CHMP2B: variants seen among roughly 807,000 people sequenced by gnomAD.
CHMP2B encodes charged multivesicular body protein 2B.
A neutral mutation model predicts 29.8 loss-of-function variants in CHMP2B; 22 were observed. The observed-to-expected ratio is 0.74, with a 90% CI of 0.53 to 1.05. The LOEUF (loss-of-function observed/expected upper bound fraction) is 1.05. Ranked by LOEUF, CHMP2B falls within the 50% of genes least tolerant of loss-of-function variation. The pLI is 0.00. For synonymous variants in CHMP2B, 78 were observed against 75.8 expected (o/e 1.03, Z -0.15); for missense variants, 261 against 252.2 (o/e 1.03, Z -0.24).
At chr3:87,245,177 A>C (rs1362210309) in intron 2 of CHMP2B, among the ~76,000 whole-genome samples, 1 of 152,080 alleles carries the variant, frequency 6.6e-6, no homozygotes, top group African/African-American at 2.4e-5. Flanking sequence ...TATATAGCAT[A>C]TATTTTTCTG....
intron 4 of CHMP2B, chr3:87,253,116 T>C: frequency 3.1e-6 from 1 of 323,404 alleles, no homozygotes; most frequent in Non-Finnish European, 5.8e-6. Context: ...CTTAAACATG[T>C]AGCTGTGACT....
chr3:87,249,804 C>A (rs1326565747), intron 3 of CHMP2B, 71 bp from the exon 4 acceptor site: 2 of 909,292 alleles, frequency 2.2e-6, no homozygotes, highest in Non-Finnish European at 3.6e-6. Flanking sequence ...GATGTGTTCC[C>A]TTTTGACTTA....
At chr3:87,231,174 G>A (rs926381472) in intron 1 of CHMP2B, among the ~76,000 whole-genome samples, 2 of 151,922 alleles carry the variant, frequency 1.3e-5, no homozygotes, top group African/African-American at 4.8e-5. Context: ...GTGTTTTTGA[G>A]TTTCAGGCCA....
Position 87,245,784 on chromosome 3 carries a change from T to G in CHMP2B, c.197T>G (p.Val66Gly), listed in dbSNP as rs1036807827. The stretch of plus-strand genomic sequence containing the variant: ...TGCAAAGTTTTAGCCAAACAACTTG[T>G]GCATCTACGGAAACAGAAGACGAGA... ...EACKVLAKQL[V>G]HLRKQKTRTF... The change falls in exon 3 of 6, where the codon GTG becomes GGG. Residue 66 changes from valine (V) to glycine (G), a missense_variant. Val to Gly is a moderately radical substitution (Grantham distance 109). Transcript: ENST00000263780. The G allele has an allele frequency of 6.2e-7, 1 of 1,613,920 alleles. No individual in the cohort carries two copies. Among genetic ancestry groups the G allele is most frequent in the Non-Finnish European group, 8.5e-7 (1 of 1,179,912 alleles).
In CHMP2B at chr3:87,240,738, A is replaced by G. The variant is rs1007804469; in HGVS notation, c.74A>G (p.Gln25Arg). 6.2e-6 allele frequency: 10 copies of G among 1,613,646 alleles called. No individual in the cohort carries two copies. Among genetic ancestry groups the G allele is most frequent in the Non-Finnish European group, 8.5e-6 (10 of 1,179,728 alleles). ...CAGAATCGAGAGTTACGAGGTACAC[A>G]GAGGGCTATAATCAGAGATCGAGCA... The part of the protein sequence containing the change: ...KEQNRELRGT[Q>R]RAIIRDRAAL... Residue 25 changes from glutamine to arginine, a missense_variant, in exon 2 of 6, where the codon CAG (glutamine) becomes CGG (arginine). By Grantham distance (43) the Gln-to-Arg change is conservative. Transcript: ENST00000263780.
At position 87,255,089 on chromosome 3, in the gene CHMP2B, C is replaced by T. The variant is rs1273755439; in HGVS notation, c.*1267C>T. The stretch of plus-strand genomic sequence containing the variant: ...TTGTAATATATGGGTTCTAACACAT[C>T]CTACCATAAAAACTGGAGGAGATAT... On this transcript the variant is annotated 3_prime_UTR_variant, in exon 6 of 6. Coordinates refer to ENST00000263780, the MANE Select transcript of CHMP2B (RefSeq NM_014043.4). 1 of 151,884 alleles carries T rather than the reference C, an allele frequency of 6.6e-6. No individual in the cohort carries two copies. Among genetic ancestry groups the T allele is most frequent in the Non-Finnish European group, 1.5e-5 (1 of 67,886 alleles). The allele number at this position is 151,884 out of a possible 1,614,324, so 9.4% of individuals were successfully genotyped here. A position where few individuals can be genotyped will look rare whatever the true frequency, so the allele number is the denominator to read the frequency against.
chr3:87,253,253 C>G (rs1178868071), intron 4 of CHMP2B, 151 bp from the exon 5 acceptor site: 1 of 640,898 alleles, frequency 1.6e-6, no homozygotes, highest in Non-Finnish European at 2.9e-6. Flanking sequence ...TATCAATTTA[C>G]TTCACTGACA....
Position 87,242,407 on chromosome 3 carries a change from G to A in CHMP2B, c.126+1617G>A, listed in dbSNP as rs138145334. ...TGTTTTCTAAGTCTTCTGTATCATT[G>A]CAGATCTTCTGTCTACTTGTCACAA... On this transcript the variant is annotated intron_variant, in intron 2 of 5. Transcript: ENST00000263780. Among the ~76,000 whole-genome samples the A allele has an allele frequency of 3.3e-3, 507 of 152,038 alleles. 4 individuals are homozygous for A. Among genetic ancestry groups the A allele is most frequent in the African/African-American group, 0.011 (475 of 41,478 alleles).
intron 1 of CHMP2B, among the ~76,000 whole-genome samples, chr3:87,234,149 C>T (rs961998710): frequency 1.3e-5 from 2 of 152,110 alleles, no homozygotes; most frequent in Non-Finnish European, 2.9e-5. Flanking sequence ...TTGCTTTTAT[C>T]CTCAAATGTA....
chr3:87,244,030 T>G (rs6781933), intron 2 of CHMP2B, among the ~76,000 whole-genome samples: 76,600 of 144,716 alleles, frequency 0.53, 23,978 homozygotes, highest in Non-Finnish European at 0.7. Flanking sequence ...TTTGTTTTTT[T>G]TTTTTTGTTT....
Position 87,227,413 on chromosome 3 carries a change from C to T in CHMP2B, c.-110C>T. The T allele has an allele frequency of 7.6e-7, 1 of 1,316,890 alleles. No individual in the cohort carries two copies. The highest frequency in any genetic ancestry group is 1.2e-5 in the South Asian group (1 of 84,480). The allele number at this position is 1,316,890 out of a possible 1,614,324, so 81.6% of individuals were successfully genotyped here. A position where few individuals can be genotyped will look rare whatever the true frequency, so the allele number is the denominator to read the frequency against. On this transcript the variant is annotated 5_prime_UTR_variant, in exon 1 of 6. Coordinates refer to ENST00000263780, the MANE Select transcript of CHMP2B (RefSeq NM_014043.4). ...CGACCCCGACCTCCTCCTGCTGTCT[C>T]TCCGCTCCGCCACCCCGAACCCGCC...
chr3:87,253,026 A>T (rs902402257), intron 4 of CHMP2B: 11 of 190,452 alleles, frequency 5.8e-5, no homozygotes, highest in Non-Finnish European at 1.1e-4. Context: ...CGTTTTCCAG[A>T]TATTAACAGG....
chr3:87,236,404 A>G (rs557390252), intron 1 of CHMP2B, among the ~76,000 whole-genome samples: 2 of 152,220 alleles, frequency 1.3e-5, no homozygotes, highest in South Asian at 2.1e-4. Flanking sequence ...TATTTTTAAT[A>G]TCACCCTCGT....
chr3:87,227,451 T>C lies in CHMP2B; in HGVS notation c.-72T>C. The C allele has an allele frequency of 6.3e-7, 1 of 1,590,856 alleles. No homozygotes were observed. The highest frequency in any genetic ancestry group is 8.6e-7 in the Non-Finnish European group (1 of 1,159,088). On this transcript the variant is annotated 5_prime_UTR_variant, in exon 1 of 6. Transcript: ENST00000263780. ...CCCCGAACCCGCCAAGGTCCTGTCC[T>C]TTTCCTCCTGTCCTTTGCCAGCGTT...
intron 2 of CHMP2B, 24 bp from the exon 3 acceptor site, chr3:87,245,690 T>G: frequency 6.3e-7 from 1 of 1,587,420 alleles, no homozygotes; most frequent in Non-Finnish European, 8.6e-7. Flanking sequence ...AATTTTATTT[T>G]CTTTTGTTTG....
At chr3:87,251,018 A>C (rs1420663329) in intron 4 of CHMP2B, among the ~76,000 whole-genome samples, 2 of 151,976 alleles carry the variant, frequency 1.3e-5, no homozygotes. Flanking sequence ...TGAAAAATAG[A>C]AAATTAAATG....
intron 4 of CHMP2B, among the ~76,000 whole-genome samples, chr3:87,250,989 G>A (rs1364324136): frequency 1.3e-5 from 2 of 151,732 alleles, no homozygotes; most frequent in Non-Finnish European, 3.0e-5. Flanking sequence ...TTTTCTAAAT[G>A]TTTTACAACT....
intron 1 of CHMP2B, 26 bp downstream of exon 1, chr3:87,227,582 G>C (rs1344076686): frequency 6.2e-7 from 1 of 1,613,904 alleles, no homozygotes; most frequent in Non-Finnish European, 8.5e-7. Context: ...GGCTGAAGGG[G>C]CCCAGCTCTG....
rs889386991 is a variant in CHMP2B at position 87,254,028 on chromosome 3, A to C, written c.*206A>C. On this transcript the variant is annotated 3_prime_UTR_variant, in exon 6 of 6. Coordinates refer to ENST00000263780, the MANE Select transcript of CHMP2B (RefSeq NM_014043.4). Reference sequence around the variant, plus strand: ...CAAAAATGGGAACAGTTTGGATTTTAATTAGAACTGTTTAGGAGTGATGAT... The same window carrying C: ...CAAAAATGGGAACAGTTTGGATTTTCATTAGAACTGTTTAGGAGTGATGAT... 6.0e-6 allele frequency: 3 copies of C among 498,080 alleles called. No homozygotes were observed. The highest frequency in any genetic ancestry group is 3.9e-5 in the African/African-American group (2 of 51,228). The allele number at this position is 498,080 out of a possible 1,614,324, so 30.9% of individuals were successfully genotyped here. A position where few individuals can be genotyped will look rare whatever the true frequency, so the allele number is the denominator to read the frequency against.
Sources: allele counts gnomAD v4.1 joint callset (sites outside exome capture counted in the v4.1 genomes callset), GRCh38; gene constraint gnomAD v4.1.1; transcripts MANE v1.5; gene names NCBI Gene and HGNC (gene_info 2026-07-23, HGNC 2026-07-21).